The following BLOC1S5 variants were observed in gnomAD, a reference collection of about 807,000 sequenced individuals.
BLOC1S5 encodes biogenesis of lysosome-related organelles complex 1 subunit 5.
A neutral mutation model predicts 24.3 loss-of-function variants in BLOC1S5; 27 were observed. That is an observed-to-expected ratio of 1.11 (90% CI 0.82 to 1.53). BLOC1S5 has a LOEUF of 1.53. BLOC1S5 is among the 40% of genes most tolerant of loss of function. The probability of loss-of-function intolerance (pLI) is 0.00; values close to 1 mark genes in which losing one functional copy is unlikely to be tolerated. For synonymous variants in BLOC1S5, 84 were observed against 74.5 expected (o/e 1.13, Z -0.66); for missense variants, 239 against 229.4 (o/e 1.04, Z -0.27).
At chr6:8,023,988 T>C (rs191577295) in intron 4 of BLOC1S5, among the ~76,000 whole-genome samples, 1 of 152,300 alleles carries the variant, frequency 6.6e-6, no homozygotes, top group Non-Finnish European at 1.5e-5. Flanking sequence ...CCAATAAGAA[T>C]GTAAAGAATT....
At chr6:8,024,305 C>T (rs948286797) in intron 4 of BLOC1S5, among the ~76,000 whole-genome samples, 1 of 151,874 alleles carries the variant, frequency 6.6e-6, no homozygotes, top group African/African-American at 2.4e-5. Flanking sequence ...GCGGGTGGAT[C>T]ATCCGAGGTC....
intron 2 of BLOC1S5, among the ~76,000 whole-genome samples, chr6:8,046,147 C>A (rs915715898): frequency 1.3e-5 from 2 of 152,176 alleles, no homozygotes; most frequent in Non-Finnish European, 2.9e-5. Flanking sequence ...ATACTATTCT[C>A]ATGACAGTGA....
intron 4 of BLOC1S5, among the ~76,000 whole-genome samples, chr6:8,022,958 A>G (rs1030283413): frequency 6.6e-6 from 1 of 152,184 alleles, no homozygotes; most frequent in Admixed American, 6.5e-5. Context: ...AAGACAGATA[A>G]CTGGATCTAA....
At chr6:8,027,412 C>T in intron 3 of BLOC1S5, 1 of 456,640 alleles carries the variant, frequency 2.2e-6, no homozygotes, top group Non-Finnish European at 4.4e-6. Flanking sequence ...GTAAAATGAA[C>T]ATAACAACTA....
At chr6:8,032,491 C>T (rs535036457) in intron 3 of BLOC1S5, among the ~76,000 whole-genome samples, 2 of 152,102 alleles carry the variant, frequency 1.3e-5, no homozygotes, top group Admixed American at 6.5e-5. Context: ...ATAATAAGAG[C>T]TATTTATGAC....
In BLOC1S5 at chr6:8,064,233, C is replaced by T. The variant is rs1245437947; in HGVS notation, c.112+32G>A. On this transcript the variant is annotated intron_variant, in intron 1 of 4. Coordinates refer to ENST00000397457, the MANE Select transcript of BLOC1S5 (RefSeq NM_201280.3). The stretch of plus-strand genomic sequence containing the variant: ...CTGGGAGATGAGGCTGTGCTGGGAT[C>T]CACCAGGAACTATAGCCCTGACACT... The T allele has an allele frequency of 4.5e-6, 7 of 1,567,412 alleles. No individual in the cohort carries two copies. The East Asian group carries it at 1.4e-4, about 31-fold the overall frequency.
At chr6:8,016,851 C>T (rs1340972313) in intron 4 of BLOC1S5, among the ~76,000 whole-genome samples, 1 of 125,796 alleles carries the variant, frequency 7.9e-6, no homozygotes, top group Non-Finnish European at 1.6e-5. Flanking sequence ...TGCACTCCAG[C>T]CTGGGTGACA....
chr6:8,050,652 G>C (rs1194230025), intron 2 of BLOC1S5, among the ~76,000 whole-genome samples: 1 of 151,598 alleles, frequency 6.6e-6, no homozygotes, highest in Non-Finnish European at 1.5e-5. Flanking sequence ...ACCCAGGATG[G>C]AGTGCGGCGG....
intron 2 of BLOC1S5, among the ~76,000 whole-genome samples, chr6:8,062,253 C>CT (rs1005816694): frequency 1.3e-5 from 2 of 151,984 alleles, no homozygotes; most frequent in East Asian, 1.9e-4. Flanking sequence ...TCTAAAATCC[C>CT]TTTTTTTCCC....
rs772880858 is a variant in BLOC1S5, at chr6:8,041,172, T to C, written c.292A>G (p.Met98Val). The C allele has an allele frequency of 1.9e-6, 3 of 1,610,864 alleles. No individual in the cohort carries two copies. Among genetic ancestry groups the C allele is most frequent in the Non-Finnish European group, 1.7e-6 (2 of 1,178,862 alleles). The change falls in exon 3 of 5, where the codon ATG (methionine) becomes GTG (valine). Residue 98 changes from methionine (M) to valine (V), a missense_variant. Transcript: ENST00000397457. ...EHTLPKCRDT[M>V]RDSLSQVLQR... Reference sequence around the variant, plus strand: ...AGAACCTGGCTGAGGCTGTCCCGCATTGTGTCTCTACATTTGGGAAGAGTA... The same window carrying C: ...AGAACCTGGCTGAGGCTGTCCCGCACTGTGTCTCTACATTTGGGAAGAGTA...
chr6:8,060,358 G>A (rs1401547273), intron 2 of BLOC1S5, among the ~76,000 whole-genome samples: 1 of 152,228 alleles, frequency 6.6e-6, no homozygotes, highest in East Asian at 1.9e-4. Context: ...AAGACAAGTA[G>A]AGGTCAGAGA....
chr6:8,047,145 C>CTT (rs1763929398), intron 2 of BLOC1S5, among the ~76,000 whole-genome samples: 1 of 54,610 alleles, frequency 1.8e-5, no homozygotes, highest in East Asian at 5.2e-4. Flanking sequence ...AAGACCACCT[C>CTT]TCTCTCTCTC....
At chr6:8,049,214 T>A (rs1729080026) in intron 2 of BLOC1S5, among the ~76,000 whole-genome samples, 1 of 151,638 alleles carries the variant, frequency 6.6e-6, no homozygotes, top group Non-Finnish European at 1.5e-5. Flanking sequence ...CTACTAAAAA[T>A]ACAAACATTA....
chr6:8,031,195 A>G (rs1178974627), intron 3 of BLOC1S5, among the ~76,000 whole-genome samples: 1 of 152,182 alleles, frequency 6.6e-6, no homozygotes, highest in East Asian at 1.9e-4. Context: ...AATTGTCACT[A>G]GTCACTGATG....
intron 4 of BLOC1S5, 152 bp downstream of exon 4, chr6:8,026,215 C>A: frequency 1.7e-6 from 1 of 574,500 alleles, no homozygotes; most frequent in African/African-American, 1.9e-5. Flanking sequence ...ATGGTATGAC[C>A]ACACCTCCTC....
rs570561623 is a variant in BLOC1S5, at chr6:8,026,488, G to A, written c.326-63C>T. 79 of 1,297,100 alleles carry A rather than the reference G, an allele frequency of 6.1e-5. 1 individual carries two copies. In the African/African-American group the frequency reaches 7.7e-4, roughly 13 times the overall value. The allele number at this position is 1,297,100 out of a possible 1,614,324, so 80.3% of individuals were successfully genotyped here. A position where few individuals can be genotyped will look rare whatever the true frequency, so the allele number is the denominator to read the frequency against. ...CATGTTCAAGGAAACACATACCTGG[G>A]GGAGGAGTGTGTGTGGAGAGTACAT... On this transcript the variant is annotated intron_variant, in intron 3 of 4. Coordinates refer to ENST00000397457, the MANE Select transcript of BLOC1S5 (RefSeq NM_201280.3).
At chr6:8,056,087 A>G (rs1348371401) in intron 2 of BLOC1S5, among the ~76,000 whole-genome samples, 2 of 152,224 alleles carry the variant, frequency 1.3e-5, no homozygotes, top group East Asian at 3.8e-4. Flanking sequence ...CTCCCACCAT[A>G]GGATGACATA....
At chr6:8,027,537 T>A (rs1763149333) in intron 3 of BLOC1S5, 2 of 422,598 alleles carry the variant, frequency 4.7e-6, no homozygotes, top group Non-Finnish European at 9.6e-6. Context: ...GTTCTTCATA[T>A]AAAATAAGCA....
At chr6:8,018,482 A>C (rs1387478726) in intron 4 of BLOC1S5, among the ~76,000 whole-genome samples, 5 of 152,346 alleles carry the variant, frequency 3.3e-5, no homozygotes, top group Middle Eastern at 3.4e-3. Context: ...GTGGATCACC[A>C]GGCAACAGCC....
Sources: allele counts gnomAD v4.1 joint callset (sites outside exome capture counted in the v4.1 genomes callset), GRCh38; gene constraint gnomAD v4.1.1; transcripts MANE v1.5; gene names NCBI Gene and HGNC (gene_info 2026-07-23, HGNC 2026-07-21).